CTTNBP2: variants seen among roughly 807,000 people sequenced by gnomAD.
CTTNBP2 encodes the protein cortactin-binding protein 2.
A neutral mutation model predicts 156.9 loss-of-function variants in CTTNBP2; 108 were observed. The observed-to-expected ratio is 0.69, with a 90% CI of 0.59 to 0.81. The LOEUF (loss-of-function observed/expected upper bound fraction) is 0.81. Among genes scored for constraint, CTTNBP2 ranks in the 30% least tolerant of loss-of-function variants. The pLI, the probability that CTTNBP2 is intolerant of heterozygous loss-of-function variation, is 0.00. For synonymous variants in CTTNBP2, 767 were observed against 751.8 expected (o/e 1.02, Z -0.33); for missense variants, 1,924 against 2,035.4 (o/e 0.95, Z 1.05).
intron 2 of CTTNBP2, among the ~76,000 whole-genome samples, chr7:117,847,135 T>C (rs1195561104): frequency 6.6e-6 from 1 of 152,096 alleles, no homozygotes; most frequent in Non-Finnish European, 1.5e-5. Context: ...GCTTCTAACA[T>C]TTTAAATCAT....
At chr7:117,810,636 T>G (rs1800216699) in intron 3 of CTTNBP2, 129 bp downstream of exon 3, 1 of 732,188 alleles carries the variant, frequency 1.4e-6, no homozygotes, top group Admixed American at 2.2e-5. Context: ...TCTGTCAGCC[T>G]CTTGCACTTC....
rs763009167 is a variant in CTTNBP2, at chr7:117,840,259, C to G, written c.189+20950G>C. 4.3e-4 allele frequency among the ~76,000 whole-genome samples: 66 copies of G among 151,910 alleles called. 1 individual carries two copies. The highest frequency in any genetic ancestry group is 8.5e-4 in the Admixed American group (13 of 15,238). On this transcript the variant is annotated intron_variant, in intron 2 of 22. Coordinates refer to ENST00000160373, the MANE Select transcript of CTTNBP2 (RefSeq NM_033427.3). ...GGAAAAGCAGGACACTTGGTAACAACCAATAGTCCTGTCCAAAAAAGTTGA... is the reference window on the plus strand; with the variant it reads ...GGAAAAGCAGGACACTTGGTAACAAGCAATAGTCCTGTCCAAAAAAGTTGA...
At chr7:117,767,280 A>C (rs1228348711) in intron 8 of CTTNBP2, 104 bp from the exon 9 acceptor site, 4 of 718,694 alleles carry the variant, frequency 5.6e-6, no homozygotes, top group Non-Finnish European at 1.0e-5. Flanking sequence ...TCAAGAATTC[A>C]TGGCTATAAA....
chr7:117,859,295 A>G (rs927025850), intron 2 of CTTNBP2, among the ~76,000 whole-genome samples: 3 of 152,226 alleles, frequency 2.0e-5, no homozygotes, highest in African/African-American at 7.2e-5. Flanking sequence ...TTCATTCGGC[A>G]AGTGCTGATT....
intron 2 of CTTNBP2, among the ~76,000 whole-genome samples, 190 bp downstream of exon 2, chr7:117,861,019 C>T (rs564014368): frequency 1.3e-5 from 2 of 152,162 alleles, no homozygotes; most frequent in Non-Finnish European, 2.9e-5. Context: ...TTTCAATGAC[C>T]ATCTGACTTC....
intron 12 of CTTNBP2, among the ~76,000 whole-genome samples, chr7:117,756,305 C>T (rs988026831): frequency 2.0e-5 from 3 of 152,160 alleles, no homozygotes; most frequent in Non-Finnish European, 4.4e-5. Context: ...CCTGCTCCTG[C>T]CCAAATTATG....
At chr7:117,829,824 T>C (rs1056940771) in intron 2 of CTTNBP2, among the ~76,000 whole-genome samples, 12 of 152,348 alleles carry the variant, frequency 7.9e-5, no homozygotes, top group South Asian at 4.1e-4. Context: ...TCCTGATAGT[T>C]TGAGCTGTCT....
intron 2 of CTTNBP2, among the ~76,000 whole-genome samples, chr7:117,851,561 A>G (rs1802930119): frequency 6.6e-6 from 1 of 152,186 alleles, no homozygotes; most frequent in African/African-American, 2.4e-5. Flanking sequence ...CACTGTTTTT[A>G]CCACATCTGT....
rs879488734 is a variant in CTTNBP2, at chr7:117,786,868, AT to A, written c.2069-2415del. Reference sequence around the variant, plus strand: ...TTTTAATAAGTTATCCGAAAGACAAATTTTTTTTTCAATTTGTTTTCAATCT... The same window carrying A: ...TTTTAATAAGTTATCCGAAAGACAAATTTTTTTTCAATTTGTTTTCAATCT... On this transcript the variant is annotated intron_variant, in intron 4 of 22. Coordinates refer to ENST00000160373, the MANE Select transcript of CTTNBP2 (RefSeq NM_033427.3). Among the ~76,000 whole-genome samples, 843 of 151,542 alleles carry A rather than the reference AT, an allele frequency of 5.6e-3. 5 individuals are homozygous for A. The highest frequency in any genetic ancestry group is 8.6e-3 in the Non-Finnish European group (581 of 67,828).
chr7:117,754,199 ACT>A (rs1361070188), intron 12 of CTTNBP2, among the ~76,000 whole-genome samples: 5 of 152,054 alleles, frequency 3.3e-5, no homozygotes, highest in African/African-American at 1.2e-4. Flanking sequence ...CCACAAGGCG[ACT>A]CTCTTCATTT....
intron 2 of CTTNBP2, among the ~76,000 whole-genome samples, chr7:117,841,720 C>T (rs912302474): frequency 6.6e-6 from 1 of 152,186 alleles, no homozygotes; most frequent in Non-Finnish European, 1.5e-5. Context: ...ATTAAATAGG[C>T]ATGATGAATG....
At chr7:117,759,470 C>T (rs1285762843) in intron 10 of CTTNBP2, among the ~76,000 whole-genome samples, 1 of 152,112 alleles carries the variant, frequency 6.6e-6, no homozygotes, top group African/African-American at 2.4e-5. Flanking sequence ...GTCATGAATA[C>T]TCTTCTCTAA....
intron 2 of CTTNBP2, among the ~76,000 whole-genome samples, chr7:117,839,844 T>G (rs999400416): frequency 6.6e-6 from 1 of 152,212 alleles, no homozygotes. Context: ...TAAAATAGTT[T>G]TAAAGTAGGC....
intron 22 of CTTNBP2, among the ~76,000 whole-genome samples, chr7:117,717,622 AG>A (rs1794498465): frequency 6.6e-6 from 1 of 152,168 alleles, no homozygotes; most frequent in Admixed American, 6.5e-5. Flanking sequence ...ACCACTTAGT[AG>A]CCCTCTAGGT....
At chr7:117,761,077 G>C (rs1797188576) in intron 9 of CTTNBP2, among the ~76,000 whole-genome samples, 1 of 152,110 alleles carries the variant, frequency 6.6e-6, no homozygotes, top group Admixed American at 6.5e-5. Context: ...ATAATGTCAT[G>C]GATGAGGCAG....
intron 2 of CTTNBP2, 34 bp downstream of exon 2, chr7:117,861,175 C>T: frequency 7.6e-7 from 1 of 1,322,132 alleles, no homozygotes; most frequent in East Asian, 2.3e-5. Flanking sequence ...AGCAAATGAT[C>T]CAGCATGGAG....
chr7:117,783,517 A>G (rs1798544715), intron 5 of CTTNBP2, among the ~76,000 whole-genome samples: 1 of 152,220 alleles, frequency 6.6e-6, no homozygotes, highest in East Asian at 1.9e-4. Flanking sequence ...TAGATGTCAC[A>G]TTCCTGATGT....
At chr7:117,745,593 A>T (rs2116557745) in intron 14 of CTTNBP2, among the ~76,000 whole-genome samples, 1 of 150,628 alleles carries the variant, frequency 6.6e-6, no homozygotes, top group African/African-American at 2.5e-5. Flanking sequence ...TGCCAGTAAG[A>T]CAGTATGCTA....
chr7:117,826,713 T>C (rs2111207), intron 2 of CTTNBP2, among the ~76,000 whole-genome samples: 101,948 of 149,676 alleles, frequency 0.68, 34,516 homozygotes, highest in African/African-American at 0.77. Flanking sequence ...AAGTTTGTGA[T>C]ATTATAATAA....
Sources: allele counts gnomAD v4.1 joint callset (sites outside exome capture counted in the v4.1 genomes callset), GRCh38; gene constraint gnomAD v4.1.1; transcripts MANE v1.5; gene names NCBI Gene and HGNC (gene_info 2026-07-23, HGNC 2026-07-21).